ZNF140: variants seen among roughly 807,000 people sequenced by gnomAD.
ZNF140 encodes zinc finger protein 140 (clone pHZ-39).
A neutral mutation model predicts 12.9 loss-of-function variants in ZNF140; 13 were observed. That is an observed-to-expected ratio of 1.01 (90% CI 0.66 to 1.60). The LOEUF (loss-of-function observed/expected upper bound fraction) is 1.60, where lower values mean the gene tolerates loss of function less well. Among genes scored for constraint, ZNF140 ranks in the 40% most tolerant of loss-of-function variants. The pLI is 0.00. For synonymous variants in ZNF140, 214 were observed against 186.7 expected, an observed-to-expected ratio of 1.15 and a Z score of -1.19; for missense variants, 531 against 548.8, an observed-to-expected ratio of 0.97 and a Z score of 0.32.
Position 133,091,204 on chromosome 12 carries a change from T to G in ZNF140, c.232+7643T>G, listed in dbSNP as rs7962619. ...TTGGGAGAAACCTTGGACAATACCC[T>G]GCTTTCAAGGGCAGAGGTCTCTGCG... On this transcript the variant is annotated intron_variant, in intron 4 of 4. Transcript: ENST00000355557. Among the ~76,000 whole-genome samples, 53 of 150,096 alleles carry G rather than the reference T, an allele frequency of 3.5e-4. 2 individuals are homozygous for G. The highest frequency in any genetic ancestry group is 1.1e-3 in the African/African-American group (43 of 40,666).
intron 4 of ZNF140, among the ~76,000 whole-genome samples, chr12:133,102,574 A>G (rs796877572): frequency 2.2e-4 from 33 of 152,146 alleles, no homozygotes; most frequent in African/African-American, 7.5e-4. Context: ...AAGATACATA[A>G]GTAAATAAAT....
intron 4 of ZNF140, among the ~76,000 whole-genome samples, chr12:133,096,200 A>G (rs920694460): frequency 8.6e-5 from 13 of 151,910 alleles, no homozygotes; most frequent in Non-Finnish European, 1.6e-4. Context: ...GTTTATTGAG[A>G]CTAGAGAATG....
In ZNF140 at chr12:133,083,025, T is replaced by C. The variant is rs1319199490; in HGVS notation, c.10-78T>C. On this transcript the variant is annotated intron_variant, in intron 2 of 4. Transcript: ENST00000355557. ...TAGACACATTGCCTAACCTCCACAG[T>C]GAGACTCATTTTATTCCTTGATGAG... 4.4e-6 allele frequency: 7 copies of C among 1,605,730 alleles called. No individual in the cohort carries two copies. In the Admixed American group the frequency reaches 8.3e-5, roughly 19 times the overall value.
In ZNF140 at chr12:133,105,717, C is replaced by T. The variant is rs1955567229; in HGVS notation, c.440C>T (p.Ala147Val). 4.3e-6 allele frequency: 7 copies of T among 1,614,016 alleles called. No individual in the cohort carries two copies. In the Admixed American group the frequency reaches 5.0e-5, roughly 12 times the overall value. The change falls in exon 5 of 5, where the codon GCC becomes GTC. Residue 147 changes from alanine (A) to valine (V), a missense_variant. By Grantham distance (64) the Ala-to-Val change is moderately conservative (BLOSUM62 0). Coordinates refer to ENST00000355557, the MANE Select transcript of ZNF140 (RefSeq NM_003440.4). ...AAAGTAACAGTCTCTCATCAAGAAG[C>T]CCTGGCTCAACATATGAATATCAGT... ...IRKVTVSHQE[A>V]LAQHMNISTV...
intron 4 of ZNF140, among the ~76,000 whole-genome samples, chr12:133,097,819 A>ATATGTG (rs1955184478): frequency 7.0e-6 from 1 of 143,162 alleles, no homozygotes; most frequent in South Asian, 2.4e-4. Context: ...ACATCTAACC[A>ATATGTG]TGTGTGTGTG....
Position 133,083,204 on chromosome 12 carries a change from G to A in ZNF140, c.111G>A (p.Glu37=), listed in dbSNP as rs1954561796. The A allele has an allele frequency of 1.4e-5, 23 of 1,613,872 alleles. No individual in the cohort carries two copies. In the South Asian group the frequency reaches 2.4e-4, roughly 17 times the overall value. ...ATTTGTACAGATGTGTAATGTTGGA[G>A]AACTATGGCCATCTGGTCTCACTGG... ...QRDLYRCVML[E]NYGHLVSLGL... is the part of the protein sequence containing the mutation. The change falls in exon 3 of 5, where the codon GAG becomes GAA. Residue 37 remains glutamate (E), a synonymous_variant. Transcript: ENST00000355557.
intron 4 of ZNF140, 140 bp from the exon 5 acceptor site, chr12:133,105,370 C>A: frequency 2.5e-6 from 2 of 810,902 alleles, no homozygotes; most frequent in Non-Finnish European, 3.8e-6. Context: ...GCATACTACT[C>A]AGATTTCAGT....
At chr12:133,080,864 C>A (rs1456769508), upstream of ZNF140, 8 of 152,656 alleles carry the variant, frequency 5.2e-5, no homozygotes, top group African/African-American at 1.2e-4. Context: ...GTCGGCGAGG[C>A]TTCTGAAGAC....
intron 2 of ZNF140, 40 bp downstream of exon 2, chr12:133,081,369 A>T: frequency 1.9e-5 from 5 of 257,176 alleles, no homozygotes; most frequent in Non-Finnish European, 6.6e-6. Context: ...ATATATATAT[A>T]TAAATTTTTA....
chr12:133,103,447 G>T (rs936667342), intron 4 of ZNF140, among the ~76,000 whole-genome samples: 65 of 125,224 alleles, frequency 5.2e-4, no homozygotes, highest in African/African-American at 2.3e-3. Flanking sequence ...TTTTTTTTTG[G>T]GTAAAGACAG....
chr12:133,098,494 C>T (rs1461998055), intron 4 of ZNF140, among the ~76,000 whole-genome samples: 1 of 152,140 alleles, frequency 6.6e-6, no homozygotes, highest in Non-Finnish European at 1.5e-5. Flanking sequence ...CCTGCCTTGG[C>T]CTCCCAAAGT....
rs760417059 is a variant in ZNF140 at position 133,105,846 on chromosome 12, C to A, written c.569C>A (p.Ala190Glu). Residue 190 changes from alanine to glutamate, a missense_variant, in exon 5 of 5, where the codon GCA becomes GAA. Ala to Glu is a moderately radical substitution (Grantham distance 107). Coordinates refer to ENST00000355557, the MANE Select transcript of ZNF140 (RefSeq NM_003440.4). Reference sequence around the variant, plus strand: ...ACTCATACTGGAGAGAAACCATATGCATGTAAGGAATGTGGCAAAACCTTT... The same window carrying A: ...ACTCATACTGGAGAGAAACCATATGAATGTAAGGAATGTGGCAAAACCTTT... ...QRTHTGEKPY[A>E]CKECGKTFSQ... 6.2e-6 allele frequency: 10 copies of A among 1,614,074 alleles called. No homozygotes were observed. The highest frequency in any genetic ancestry group is 8.5e-6 in the Non-Finnish European group (10 of 1,180,028).
At chr12:133,104,443 C>T (rs1423381153) in intron 4 of ZNF140, among the ~76,000 whole-genome samples, 1 of 151,846 alleles carries the variant, frequency 6.6e-6, no homozygotes, top group African/African-American at 2.4e-5. Context: ...CCTCTGCCTC[C>T]CAGGTTCAAA....
At chr12:133,094,115 A>G (rs1954987661) in intron 4 of ZNF140, among the ~76,000 whole-genome samples, 2 of 151,330 alleles carry the variant, frequency 1.3e-5, no homozygotes, top group Admixed American at 6.6e-5. Context: ...CTGTCTGCAG[A>G]AATGTGTAAC....
At chr12:133,087,186 T>C (rs1954703666) in intron 4 of ZNF140, among the ~76,000 whole-genome samples, 1 of 151,770 alleles carries the variant, frequency 6.6e-6, no homozygotes, top group Non-Finnish European at 1.5e-5. Context: ...AGATTGGAAA[T>C]AAAGTGAAGA....
Position 133,083,100 on chromosome 12 carries a change from C to T in ZNF140, c.10-3C>T. ...TCATGCAAATATCTGTCCGTCATTT[C>T]AGGGGTCAGTGACATTCAGAGATGT... On this transcript the variant is annotated splice_polypyrimidine_tract_variant and splice_region_variant and intron_variant, in intron 2 of 4. Coordinates refer to ENST00000355557, the MANE Select transcript of ZNF140 (RefSeq NM_003440.4). 6.2e-7 allele frequency: 1 copy of T among 1,614,176 alleles called. No homozygotes were observed. The highest frequency in any genetic ancestry group is 8.5e-7 in the Non-Finnish European group (1 of 1,180,014).
intron 4 of ZNF140, among the ~76,000 whole-genome samples, chr12:133,102,708 C>G (rs1955390860): frequency 1.8e-5 from 2 of 112,042 alleles, no homozygotes; most frequent in Admixed American, 1.6e-4. Context: ...AAGATCGTGC[C>G]ACTGGACCCC....
chr12:133,083,367 AT>A, intron 3 of ZNF140, 98 bp from the exon 4 acceptor site: 5 of 1,502,926 alleles, frequency 3.3e-6, no homozygotes, highest in Non-Finnish European at 4.5e-6. Context: ...ACTGCACCTT[AT>A]TTTTAGACAT....
At chr12:133,081,569 GCCTGGCAGAA>G in intron 2 of ZNF140, 1 of 454,956 alleles carries the variant, frequency 2.2e-6, no homozygotes, top group Non-Finnish European at 4.4e-6. Flanking sequence ...ACAACCACCT[GCCTGGCAGAA>G]CCCCAGGACC....
Sources: allele counts gnomAD v4.1 joint callset (sites outside exome capture counted in the v4.1 genomes callset), GRCh38; gene constraint gnomAD v4.1.1; transcripts MANE v1.5; gene names NCBI Gene and HGNC (gene_info 2026-07-23, HGNC 2026-07-21).